ACTR3C: variants seen among roughly 807,000 people sequenced by gnomAD.
ACTR3C encodes the protein actin related protein 3C, also known as actin-related protein 3C.
Under a neutral mutation model 26.3 loss-of-function variants are expected in ACTR3C, and 18 were observed. The ratio of observed to expected loss-of-function variants is 0.68; its 90% CI spans 0.47 to 1.01. The LOEUF (loss-of-function observed/expected upper bound fraction) is 1.01, where lower values mean the gene tolerates loss of function less well. ACTR3C is among the 50% of genes least tolerant of loss of function. ACTR3C has a pLI of 0.00. For missense variants in ACTR3C, 184 were observed against 250.7 expected (o/e 0.73, Z 1.80); for synonymous variants, 55 against 94.5 (o/e 0.58, Z 2.42).
chr7:150,260,853 C>T (rs2129610010), intron 6 of ACTR3C, among the ~76,000 whole-genome samples: 1 of 152,284 alleles, frequency 6.6e-6, no homozygotes, highest in African/African-American at 2.4e-5. Context: ...TTTCTTCTTC[C>T]ACCTTTAAAG....
At chr7:150,160,914 T>A in the ACTR3C span, among the ~76,000 whole-genome samples, 1 of 145,704 alleles carries the variant, frequency 6.9e-6, no homozygotes, top group African/African-American at 2.6e-5. Flanking sequence ...AGAAATTACC[T>A]CTGGATAGGG....
chr7:149,894,707 A>G, the ACTR3C span, among the ~76,000 whole-genome samples: 1 of 152,198 alleles, frequency 6.6e-6, no homozygotes, highest in Non-Finnish European at 1.5e-5. Flanking sequence ...CCCCACTGAG[A>G]ATGGCAATTA....
the ACTR3C span, among the ~76,000 whole-genome samples, chr7:149,955,274 A>C: frequency 6.6e-6 from 1 of 152,240 alleles, no homozygotes; most frequent in Non-Finnish European, 1.5e-5. Flanking sequence ...GAAGAAATGG[A>C]AATGTTGCAA....
the ACTR3C span, chr7:150,001,269 G>A: frequency 2.6e-5 from 4 of 152,158 alleles, no homozygotes; most frequent in South Asian, 8.3e-4. Flanking sequence ...TAGGACTGGT[G>A]CTGATTTAGG....
the ACTR3C span, among the ~76,000 whole-genome samples, chr7:149,911,532 C>T: frequency 2.6e-5 from 4 of 151,796 alleles, no homozygotes; most frequent in South Asian, 2.1e-4. Context: ...AAACTGCTAG[C>T]GGAAGGACCA....
chr7:150,051,173 C>CA, the ACTR3C span, among the ~76,000 whole-genome samples: 803 of 151,160 alleles, frequency 5.3e-3, 2 homozygotes, highest in African/African-American at 0.019. Flanking sequence ...CCCACACATC[C>CA]AAATTTGTGT....
At chr7:150,160,923 G>A in the ACTR3C span, among the ~76,000 whole-genome samples, 2 of 146,666 alleles carry the variant, frequency 1.4e-5, no homozygotes, top group East Asian at 2.0e-4. Context: ...CTCTGGATAG[G>A]GGACTTCCAT....
chr7:150,109,209 T>C, the ACTR3C span, among the ~76,000 whole-genome samples: 1 of 152,016 alleles, frequency 6.6e-6, no homozygotes, highest in East Asian at 1.9e-4. Context: ...ACTTCATTTT[T>C]TAGCTACAAA....
chr7:150,299,154 T>C (rs762606738), intron 1 of ACTR3C, among the ~76,000 whole-genome samples: 20 of 151,698 alleles, frequency 1.3e-4, no homozygotes, highest in Non-Finnish European at 2.6e-4. Context: ...AGTTAAGTTT[T>C]GTATTTTTAG....
chr7:150,298,144 T>C (rs1252883918), intron 1 of ACTR3C, among the ~76,000 whole-genome samples: 1 of 150,944 alleles, frequency 6.6e-6, no homozygotes, highest in Non-Finnish European at 1.5e-5. Context: ...GGCAAGAACA[T>C]GTGGCAATAC....
the ACTR3C span, among the ~76,000 whole-genome samples, chr7:150,098,207 GA>G: frequency 6.6e-6 from 1 of 151,668 alleles, no homozygotes; most frequent in Admixed American, 6.6e-5. Context: ...TAATGAATGA[GA>G]CATAGCCAAA....
intron 1 of ACTR3C, among the ~76,000 whole-genome samples, chr7:150,315,397 G>A (rs984724000): frequency 6.6e-6 from 1 of 152,208 alleles, no homozygotes; most frequent in South Asian, 2.1e-4. Context: ...TGCTAGCAAC[G>A]CCTACAAATC....
chr7:150,042,381 A>G, the ACTR3C span, among the ~76,000 whole-genome samples: 1 of 121,186 alleles, frequency 8.3e-6, no homozygotes, highest in Non-Finnish European at 1.7e-5. Flanking sequence ...CCTAAGAGCA[A>G]AGGGGGGAAG....
chr7:150,240,139 GA>G (rs1338260226), downstream of ACTR3C, among the ~76,000 whole-genome samples: 1 of 152,098 alleles, frequency 6.6e-6, no homozygotes, highest in Non-Finnish European at 1.5e-5. Context: ...CTACTTAAGA[GA>G]AAAAATTATT....
the ACTR3C span, among the ~76,000 whole-genome samples, chr7:150,014,640 C>T: frequency 2.7e-5 from 4 of 148,780 alleles, no homozygotes; most frequent in Non-Finnish European, 4.6e-5. Flanking sequence ...GCAAACTGAG[C>T]CATTATGCTG....
chr7:150,309,813 C>T (rs551211680), intron 1 of ACTR3C, among the ~76,000 whole-genome samples: 2 of 152,272 alleles, frequency 1.3e-5, no homozygotes, highest in South Asian at 2.1e-4. Context: ...CTCGGCTTTG[C>T]GGCTGAAGAC....
At chr7:150,142,927 C>T in the ACTR3C span, among the ~76,000 whole-genome samples, 15 of 152,104 alleles carry the variant, frequency 9.9e-5, no homozygotes, top group South Asian at 1.9e-3. Context: ...CTCCACCTCC[C>T]GGGTTCAAGT....
At chr7:150,039,540 CCCCAGAGCCAGGGGGGGAAGAGGGA>C in the ACTR3C span, among the ~76,000 whole-genome samples, 1 of 90,250 alleles carries the variant, frequency 1.1e-5, no homozygotes, top group Non-Finnish European at 2.5e-5. Context: ...CGATGGGGGT[CCCCAGAGCCAGGGGGGGAAGAGGGA>C]CTGGCTCTCA....
chr7:149,913,987 G>A, the ACTR3C span, among the ~76,000 whole-genome samples: 4 of 150,314 alleles, frequency 2.7e-5, no homozygotes, highest in Non-Finnish European at 5.9e-5. Context: ...CTGGGCTCAA[G>A]TGATCCTCCC....
Sources: allele counts gnomAD v4.1 joint callset (sites outside exome capture counted in the v4.1 genomes callset), GRCh38; gene constraint gnomAD v4.1.1; transcripts MANE v1.5; gene names NCBI Gene and HGNC (gene_info 2026-07-23, HGNC 2026-07-21).